LRMDA: variants seen among roughly 807,000 people sequenced by gnomAD.
LRMDA encodes the protein leucine-rich melanocyte differentiation-associated protein.
LRMDA carries 18 observed loss-of-function variants against 29.8 expected under a neutral mutation model. That is an observed-to-expected ratio of 0.60 (90% confidence interval 0.42 to 0.90). The LOEUF is 0.90. Among genes scored for constraint, LRMDA ranks in the 40% least tolerant of loss-of-function variants. The probability of loss-of-function intolerance (pLI) is 0.00; values close to 1 mark genes in which losing one functional copy is unlikely to be tolerated. For synonymous variants in LRMDA, 125 were observed against 109.4 expected (o/e 1.14, Z -0.89); for missense variants, 273 against 273.9 (o/e 1.00, Z 0.02).
chr10:76,504,387 C>G (rs1304131881), intron 6 of LRMDA, among the ~76,000 whole-genome samples: 1 of 151,780 alleles, frequency 6.6e-6, no homozygotes, highest in Admixed American at 6.6e-5. Flanking sequence ...TTTTTTTGTT[C>G]ATTTCTGCCT....
chr10:75,824,582 A>G (rs1266641773), intron 2 of LRMDA, among the ~76,000 whole-genome samples: 1 of 152,220 alleles, frequency 6.6e-6, no homozygotes, highest in Non-Finnish European at 1.5e-5. Flanking sequence ...TTACTCTTGT[A>G]GGTCACACTC....
In LRMDA at chr10:76,502,141, G is replaced by T. The variant is rs1329212173; in HGVS notation, c.602-55068G>T. On this transcript the variant is annotated intron_variant, in intron 6 of 6. Transcript: ENST00000611255. ...AGTCCTTTTCCCATTGCCTATTTTT[G>T]TCAGCCATGTCAAAAATCAGATGGT... Among the ~76,000 whole-genome samples, 3 of 151,796 alleles carry T rather than the reference G, an allele frequency of 2.0e-5. No homozygotes were observed. The East Asian group carries it at 5.8e-4, about 29-fold the overall frequency.
At chr10:76,287,041 G>T (rs1332633298) in intron 5 of LRMDA, among the ~76,000 whole-genome samples, 2 of 152,028 alleles carry the variant, frequency 1.3e-5, no homozygotes, top group Non-Finnish European at 2.9e-5. Context: ...AATTATTTAT[G>T]CTGGAACTCA....
chr10:76,062,484 C>T (rs1171099867), intron 5 of LRMDA, among the ~76,000 whole-genome samples: 2 of 152,088 alleles, frequency 1.3e-5, no homozygotes, highest in African/African-American at 4.8e-5. Context: ...GAGTGCAAGT[C>T]CTCACTCCCT....
At chr10:75,675,885 C>T (rs1435324183) in intron 2 of LRMDA, among the ~76,000 whole-genome samples, 1 of 152,134 alleles carries the variant, frequency 6.6e-6, no homozygotes. Context: ...TTTCTTCTGC[C>T]CACTTTAGTT....
chr10:76,557,562 C>A lies in LRMDA; in HGVS notation c.*274C>A. 2.0e-6 allele frequency: 1 copy of A among 506,304 alleles called. No individual in the cohort carries two copies. Among genetic ancestry groups the A allele is most frequent in the Non-Finnish European group, 3.6e-6 (1 of 281,594 alleles). The allele number at this position is 506,304 out of a possible 1,614,324, so 31.4% of individuals were successfully genotyped here. On this transcript the variant is annotated 3_prime_UTR_variant, in exon 7 of 7. Coordinates refer to ENST00000611255, the MANE Select transcript of LRMDA (RefSeq NM_001305581.2). ...AGACAGCGGTGGCAAAGCAACAGGG[C>A]TGACAGCATGAACACCATGATAGAT... is the stretch of plus-strand genomic sequence containing the variant.
At chr10:75,781,164 C>T (rs553305382) in intron 2 of LRMDA, among the ~76,000 whole-genome samples, 38 of 152,222 alleles carry the variant, frequency 2.5e-4, no homozygotes, top group African/African-American at 9.2e-4. Context: ...CCTCATTGGC[C>T]TTTGTATTTA....
At chr10:75,650,515 T>G (rs1841584400) in intron 2 of LRMDA, among the ~76,000 whole-genome samples, 2 of 152,044 alleles carry the variant, frequency 1.3e-5, no homozygotes, top group Non-Finnish European at 2.9e-5. Flanking sequence ...GGTTGAGAGA[T>G]AGCAGAATTT....
intron 2 of LRMDA, among the ~76,000 whole-genome samples, chr10:75,474,526 C>A (rs1017906161): frequency 1.3e-5 from 2 of 152,188 alleles, no homozygotes; most frequent in East Asian, 3.9e-4. Context: ...CCTCCTGATA[C>A]CATCATCTCG....
chr10:75,439,825 TA>T (rs1190027797), intron 2 of LRMDA, among the ~76,000 whole-genome samples: 1 of 152,104 alleles, frequency 6.6e-6, no homozygotes, highest in African/African-American at 2.4e-5. Flanking sequence ...TTCCAGTACC[TA>T]AGGAGAGGAC....
intron 5 of LRMDA, among the ~76,000 whole-genome samples, chr10:76,153,938 T>A (rs570127176): frequency 6.6e-6 from 1 of 152,344 alleles, no homozygotes; most frequent in Non-Finnish European, 1.5e-5. Flanking sequence ...AGTGGCCATA[T>A]GGACTGTTGT....
At chr10:76,309,739 A>G (rs1840606196) in intron 5 of LRMDA, among the ~76,000 whole-genome samples, 1 of 152,180 alleles carries the variant, frequency 6.6e-6, no homozygotes, top group South Asian at 2.1e-4. Flanking sequence ...GGTCCTGTAC[A>G]AAACTTGTTT....
At chr10:76,222,987 A>G (rs1380200796) in intron 5 of LRMDA, among the ~76,000 whole-genome samples, 1 of 152,146 alleles carries the variant, frequency 6.6e-6, no homozygotes, top group African/African-American at 2.4e-5. Context: ...GAAATTGGAA[A>G]TCATCATTCT....
intron 2 of LRMDA, among the ~76,000 whole-genome samples, chr10:75,709,693 T>A (rs1353734061): frequency 6.6e-6 from 1 of 152,190 alleles, no homozygotes; most frequent in Non-Finnish European, 1.5e-5. Context: ...GGAGAAGGTC[T>A]CTTGCTCACA....
At chr10:76,460,603 A>T (rs959837362) in intron 6 of LRMDA, among the ~76,000 whole-genome samples, 13 of 152,224 alleles carry the variant, frequency 8.5e-5, no homozygotes, top group African/African-American at 3.1e-4. Context: ...TAATAGCAAG[A>T]ACTGTGTATC....
intron 2 of LRMDA, among the ~76,000 whole-genome samples, chr10:75,491,973 G>A (rs2132061516): frequency 6.6e-6 from 1 of 152,314 alleles, no homozygotes; most frequent in African/African-American, 2.4e-5. Flanking sequence ...TAACCACCAT[G>A]GAAAGGGCTA....
intron 3 of LRMDA, among the ~76,000 whole-genome samples, chr10:76,039,415 T>G (rs1468630609): frequency 6.6e-6 from 1 of 152,250 alleles, no homozygotes; most frequent in East Asian, 1.9e-4. Context: ...TCTTGAATCC[T>G]TTTGTGAAGT....
intron 5 of LRMDA, among the ~76,000 whole-genome samples, chr10:76,201,522 T>G (rs761562652): frequency 7.2e-5 from 11 of 152,258 alleles, no homozygotes; most frequent in Non-Finnish European, 1.5e-4. Flanking sequence ...TCCAGCTTGT[T>G]GGGTATGTCT....
intron 2 of LRMDA, among the ~76,000 whole-genome samples, chr10:75,479,274 G>A (rs1175257059): frequency 1.3e-5 from 2 of 152,056 alleles, no homozygotes; most frequent in Non-Finnish European, 2.9e-5. Context: ...TTGGGAGGCC[G>A]AGGCGGGTGG....
Sources: gnomAD v4.1 joint callset for allele counts (sites outside exome capture counted in the v4.1 genomes callset) on GRCh38, gnomAD v4.1.1 for gene constraint, MANE v1.5 for transcripts, NCBI Gene and HGNC (gene_info 2026-07-23, HGNC 2026-07-21) for gene names.